The following ARFGEF3 variants were observed in gnomAD, a reference collection of about 807,000 sequenced individuals.
The protein encoded by ARFGEF3 is ARFGEF family member 3.
ARFGEF3 carries 96 observed loss-of-function variants against 221.7 expected under a neutral mutation model. That is an observed-to-expected ratio of 0.43 (90% CI 0.37 to 0.51). ARFGEF3 has a LOEUF of 0.51. ARFGEF3 is among the 20% of genes least tolerant of loss of function. The pLI, the probability that ARFGEF3 is intolerant of heterozygous loss-of-function variation, is 0.00. For synonymous variants in ARFGEF3, 1,145 were observed against 1,126.8 expected, an observed-to-expected ratio of 1.02 and a Z score of -0.32; for missense variants, 2,410 against 2,789.9, an observed-to-expected ratio of 0.86 and a Z score of 3.07.
At chr6:138,199,250 G>A (rs1273565663) in intron 2 of ARFGEF3, among the ~76,000 whole-genome samples, 1 of 152,188 alleles carries the variant, frequency 6.6e-6, no homozygotes, top group African/African-American at 2.4e-5. Flanking sequence ...TGTGTAGCAT[G>A]TTACTTTGTA....
chr6:138,295,322 C>T (rs1779487119), intron 20 of ARFGEF3, among the ~76,000 whole-genome samples: 2 of 152,096 alleles, frequency 1.3e-5, no homozygotes, highest in East Asian at 1.9e-4. Context: ...ATATTTTCTT[C>T]TTAAAAGAAA....
intron 4 of ARFGEF3, among the ~76,000 whole-genome samples, chr6:138,221,145 C>G (rs1777975958): frequency 6.6e-6 from 1 of 152,226 alleles, no homozygotes; most frequent in East Asian, 1.9e-4. Flanking sequence ...TAAGGTCTTT[C>G]ATTTTCTAGC....
intron 2 of ARFGEF3, among the ~76,000 whole-genome samples, chr6:138,184,909 T>G (rs989522446): frequency 6.6e-6 from 1 of 152,244 alleles, no homozygotes; most frequent in East Asian, 1.9e-4. Flanking sequence ...GTTTTGTTTT[T>G]AACCAGAAAA....
intron 12 of ARFGEF3, among the ~76,000 whole-genome samples, chr6:138,265,923 T>TA (rs1230413326): frequency 1.3e-5 from 2 of 151,932 alleles, no homozygotes; most frequent in African/African-American, 4.8e-5. Context: ...ATTTTATAGA[T>TA]ACAGGGTATT....
chr6:138,198,805 T>C (rs1777480461), intron 2 of ARFGEF3, among the ~76,000 whole-genome samples: 1 of 152,260 alleles, frequency 6.6e-6, no homozygotes. Flanking sequence ...TTCACATTAT[T>C]TGTTTGATGC....
chr6:138,312,442 C>T (rs1025892364), intron 25 of ARFGEF3, among the ~76,000 whole-genome samples: 1 of 152,122 alleles, frequency 6.6e-6, no homozygotes, highest in African/African-American at 2.4e-5. Flanking sequence ...CAGCTGCCTC[C>T]CCCAGGCCCC....
At chr6:138,288,175 G>A (rs1171544920) in intron 17 of ARFGEF3, among the ~76,000 whole-genome samples, 1 of 152,198 alleles carries the variant, frequency 6.6e-6, no homozygotes, top group Non-Finnish European at 1.5e-5. Context: ...CTTGAGCCCA[G>A]GAGTTCAAGA....
intron 12 of ARFGEF3, among the ~76,000 whole-genome samples, chr6:138,274,476 T>C (rs1304068896): frequency 5.3e-5 from 8 of 152,164 alleles, no homozygotes; most frequent in African/African-American, 1.9e-4. Context: ...TTTTCAGATC[T>C]CACTTGCAGT....
At position 138,323,675 on chromosome 6, in the gene ARFGEF3, G is replaced by A. The variant is rs545808134; in HGVS notation, c.4771G>A (p.Val1591Ile). 1.3e-5 allele frequency: 21 copies of A among 1,613,488 alleles called. No homozygotes were observed. Among genetic ancestry groups the A allele is most frequent in the South Asian group, 3.3e-5 (3 of 91,052 alleles). Residue 1591 changes from valine to isoleucine, a missense_variant, in exon 30 of 34, where the codon GTC becomes ATC. Coordinates refer to ENST00000251691, the MANE Select transcript of ARFGEF3 (RefSeq NM_020340.5). ...SRVGCSCIRY[V>I]LVTAGPVFTE... is the part of the protein sequence containing the mutation. ...TTTACTTGTTTCTTTTGGCAGATACGTCCTTGTGACAGCGGGCCCTGTGTT... is the reference window on the plus strand; with the variant it reads ...TTTACTTGTTTCTTTTGGCAGATACATCCTTGTGACAGCGGGCCCTGTGTT...
At position 138,336,994 on chromosome 6, in the gene ARFGEF3, A is replaced by C. The variant is rs1289262315; in HGVS notation, c.*508A>C. On this transcript the variant is annotated 3_prime_UTR_variant, in exon 34 of 34. Coordinates refer to ENST00000251691, the MANE Select transcript of ARFGEF3 (RefSeq NM_020340.5). ...TCTGGCTGGGAAGAAGACAACTATA[A>C]ATACATATTCTTGGGTGTCATAATC... 4 of 152,674 alleles carry C rather than the reference A, an allele frequency of 2.6e-5. No individual in the cohort carries two copies. The highest frequency in any genetic ancestry group is 9.6e-5 in the African/African-American group (4 of 41,452). The allele number at this position is 152,674 out of a possible 1,614,324, so 9.5% of individuals were successfully genotyped here.
intron 2 of ARFGEF3, among the ~76,000 whole-genome samples, chr6:138,185,313 A>G (rs1777161540): frequency 6.6e-6 from 1 of 152,120 alleles, no homozygotes; most frequent in Non-Finnish European, 1.5e-5. Context: ...TGGCTGTGTT[A>G]AGGGGGCACT....
intron 29 of ARFGEF3, among the ~76,000 whole-genome samples, chr6:138,322,479 G>A (rs1780049993): frequency 6.6e-6 from 1 of 152,114 alleles, no homozygotes; most frequent in African/African-American, 2.4e-5. Flanking sequence ...ACAGATGAAT[G>A]CATAAAGGAA....
intron 30 of ARFGEF3, 73 bp from the exon 31 acceptor site, chr6:138,323,950 G>A (rs764040003): frequency 3.9e-5 from 62 of 1,580,904 alleles, no homozygotes; most frequent in Non-Finnish European, 4.3e-5. Flanking sequence ...ACACAGTGAC[G>A]ATCTCAGATC....
chr6:138,202,681 CAAAAAA>C (rs11312359), intron 2 of ARFGEF3, among the ~76,000 whole-genome samples: 1 of 117,158 alleles, frequency 8.5e-6, no homozygotes, highest in Non-Finnish European at 1.9e-5. Context: ...TATTTACTAG[CAAAAAA>C]AAAAAAAAAC....
At chr6:138,332,096 T>C (rs750684133) in intron 32 of ARFGEF3, among the ~76,000 whole-genome samples, 13 of 152,168 alleles carry the variant, frequency 8.5e-5, no homozygotes, top group Non-Finnish European at 1.3e-4. Context: ...GCTTTCCATT[T>C]CTCAGGGAAG....
Position 138,343,173 on chromosome 6 carries a change from A to G in ARFGEF3, c.*6687A>G, listed in dbSNP as rs950385640. On this transcript the variant is annotated 3_prime_UTR_variant, in exon 34 of 34. Coordinates refer to ENST00000251691, the MANE Select transcript of ARFGEF3 (RefSeq NM_020340.5). ...CTTTTACCATTAAAAAAAATTAAGG[A>G]CCATACAGAGAATGATTTAAGAAAA... 2 of 152,202 alleles carry G rather than the reference A, an allele frequency of 1.3e-5. No individual in the cohort carries two copies. Among genetic ancestry groups the G allele is most frequent in the Admixed American group, 6.5e-5 (1 of 15,272 alleles). 9.4% of individuals were successfully genotyped at this position (152,202 alleles called of 1,614,324 possible). A position where few individuals can be genotyped will look rare whatever the true frequency, so the allele number is the denominator to read the frequency against.
intron 2 of ARFGEF3, among the ~76,000 whole-genome samples, chr6:138,205,114 CAT>C (rs2114490463): frequency 6.6e-6 from 1 of 152,272 alleles, no homozygotes; most frequent in African/African-American, 2.4e-5. Context: ...GATAGGCGAA[CAT>C]ATTGCTGCTT....
In ARFGEF3 at chr6:138,287,104, C is replaced by G; in HGVS notation, c.2816C>G (p.Ala939Gly). 2 of 1,577,052 alleles carry G rather than the reference C, an allele frequency of 1.3e-6. No homozygotes were observed. The highest frequency in any genetic ancestry group is 2.7e-5 in the African/African-American group (2 of 74,198). ...GVAANCASAL[A>G]QMAAASCVQE... ...GCTGCTAACTGCGCCTCAGCCCTTG[C>G]CCAGATGGCAGCTGCCTCCTGTGTC... The change falls in exon 17 of 34, where the codon GCC (alanine) becomes GGC (glycine). Residue 939 changes from alanine (A) to glycine (G), a missense_variant. Ala to Gly is a moderately conservative substitution (Grantham distance 60). This residue lies in a region of ARFGEF3 where 594 missense variants were observed against 734.3 expected (regional missense o/e 0.81). Transcript: ENST00000251691.
intron 4 of ARFGEF3, among the ~76,000 whole-genome samples, chr6:138,220,441 C>T (rs1777964006): frequency 6.6e-6 from 1 of 151,584 alleles, no homozygotes. Context: ...CTATTATTTC[C>T]ATTGTATTTA....
Sources: gnomAD v4.1 joint callset for allele counts (sites outside exome capture counted in the v4.1 genomes callset) on GRCh38, gnomAD v4.1.1 for gene constraint, gnomAD v4.1.1 regional missense constraint, MANE v1.5 for transcripts, NCBI Gene and HGNC (gene_info 2026-07-23, HGNC 2026-07-21) for gene names.